Variants in ACBD6 observed in about 807,000 individuals in gnomAD.
ACBD6 encodes the protein acyl-CoA binding domain containing 6.
In ACBD6, 28 loss-of-function variants were observed where a neutral mutation model predicts 37.2. The observed-to-expected ratio is 0.75, with a 90% CI of 0.56 to 1.03. The LOEUF (loss-of-function observed/expected upper bound fraction) is 1.03, where lower values mean the gene tolerates loss of function less well. ACBD6 is among the 50% of genes least tolerant of loss of function. ACBD6 has a pLI of 0.00. For synonymous variants in ACBD6, 113 were observed against 126.8 expected, an observed-to-expected ratio of 0.89 and a Z score of 0.73; for missense variants, 340 against 337.4, an observed-to-expected ratio of 1.01 and a Z score of -0.06.
At chr1:180,291,929 A>C (rs552067330) in intron 7 of ACBD6, among the ~76,000 whole-genome samples, 2 of 152,276 alleles carry the variant, frequency 1.3e-5, no homozygotes, top group African/African-American at 4.8e-5. Flanking sequence ...TACGTTGAAA[A>C]GGCTAGTCTT....
At chr1:180,397,478 C>T (rs1478190258) in intron 6 of ACBD6, 38 bp downstream of exon 6, 1 of 1,548,096 alleles carries the variant, frequency 6.5e-7, no homozygotes, top group Non-Finnish European at 8.9e-7. Context: ...AATTATACTT[C>T]AATTTAAAAA....
intron 3 of ACBD6, among the ~76,000 whole-genome samples, chr1:180,486,172 T>C (rs12089373): frequency 0.11 from 16,112 of 152,180 alleles, 1,229 homozygotes; most frequent in African/African-American, 0.21. Flanking sequence ...AACGTATCTC[T>C]ATCCCCTGAC....
At chr1:180,329,728 A>C (rs1651405899) in intron 6 of ACBD6, among the ~76,000 whole-genome samples, 1 of 152,164 alleles carries the variant, frequency 6.6e-6, no homozygotes, top group Admixed American at 6.5e-5. Context: ...CAAGTAAATA[A>C]AGCCAACATT....
At chr1:180,462,502 A>G (rs1229521562) in intron 3 of ACBD6, among the ~76,000 whole-genome samples, 1 of 152,236 alleles carries the variant, frequency 6.6e-6, no homozygotes, top group Non-Finnish European at 1.5e-5. Context: ...ACATAATGTT[A>G]AGGGGTTCAA....
At chr1:180,350,138 G>A (rs116414680) in intron 6 of ACBD6, among the ~76,000 whole-genome samples, 3,491 of 150,278 alleles carry the variant, frequency 0.023, 55 homozygotes, top group Non-Finnish European at 0.034. Context: ...CGATCTCCCT[G>A]CCTCAGCCTC....
intron 3 of ACBD6, among the ~76,000 whole-genome samples, chr1:180,483,941 T>G (rs1651156800): frequency 6.6e-6 from 1 of 152,180 alleles, no homozygotes; most frequent in Admixed American, 6.5e-5. Context: ...CCGGGAATTA[T>G]GAAAAAATAC....
chr1:180,324,752 C>T (rs1651193886), intron 6 of ACBD6, among the ~76,000 whole-genome samples: 1 of 152,074 alleles, frequency 6.6e-6, no homozygotes, highest in Non-Finnish European at 1.5e-5. Context: ...TGAAGAATTC[C>T]CTTTAGCATT....
At position 180,335,419 on chromosome 1, in the gene ACBD6, T is replaced by C. The variant is rs532854005; in HGVS notation, c.664-20697A>G. Among the ~76,000 whole-genome samples the C allele has an allele frequency of 4.8e-4, 73 of 152,182 alleles. No individual in the cohort carries two copies. In the South Asian group the frequency reaches 5.0e-3, roughly 10 times the overall value. On this transcript the variant is annotated intron_variant, in intron 6 of 7. Coordinates refer to ENST00000367595, the MANE Select transcript of ACBD6 (RefSeq NM_032360.4). ...TCATATCCAGCCAAACTAAGCTTCA[T>C]AAGTGAAGGAGAAATAAAATCCTTT...
At chr1:180,350,150 A>G (rs907791415) in intron 6 of ACBD6, among the ~76,000 whole-genome samples, 13 of 151,438 alleles carry the variant, frequency 8.6e-5, no homozygotes, top group African/African-American at 2.9e-4. Flanking sequence ...CTCAGCCTCC[A>G]AAGTAGCTGG....
chr1:180,371,460 G>A (rs944693176), intron 6 of ACBD6, among the ~76,000 whole-genome samples: 2 of 152,100 alleles, frequency 1.3e-5, no homozygotes, highest in Non-Finnish European at 2.9e-5. Context: ...AAAATTAGAT[G>A]TGGATATTTT....
chr1:180,341,643 T>C (rs1651990035), intron 6 of ACBD6, among the ~76,000 whole-genome samples: 1 of 152,168 alleles, frequency 6.6e-6, no homozygotes, highest in Admixed American at 6.5e-5. Context: ...TAATTCCTCC[T>C]TCCCATTATC....
chr1:180,495,844 C>T (rs1432028396), intron 1 of ACBD6, among the ~76,000 whole-genome samples: 1 of 152,136 alleles, frequency 6.6e-6, no homozygotes, highest in African/African-American at 2.4e-5. Context: ...AGATTAAATA[C>T]TCTTTATTAC....
At chr1:180,351,393 G>C (rs980947687) in intron 6 of ACBD6, among the ~76,000 whole-genome samples, 1 of 150,820 alleles carries the variant, frequency 6.6e-6, no homozygotes, top group African/African-American at 2.4e-5. Flanking sequence ...CTCCTGCCTC[G>C]GCCTCCCGAC....
intron 6 of ACBD6, among the ~76,000 whole-genome samples, chr1:180,394,699 C>T (rs1271649514): frequency 4.6e-5 from 7 of 152,146 alleles, no homozygotes; most frequent in African/African-American, 1.7e-4. Flanking sequence ...GTTCAAATTG[C>T]TATAGAAAAG....
intron 3 of ACBD6, among the ~76,000 whole-genome samples, chr1:180,456,800 T>C (rs149783678): frequency 5.3e-4 from 80 of 152,248 alleles, no homozygotes; most frequent in African/African-American, 1.8e-3. Flanking sequence ...CAGGGCTCAC[T>C]GCAGCCTCAG....
chr1:180,476,549 G>A (rs1220920999), intron 3 of ACBD6, among the ~76,000 whole-genome samples: 1 of 152,180 alleles, frequency 6.6e-6, no homozygotes, highest in East Asian at 1.9e-4. Context: ...AACTCAGCCG[G>A]GCACAGTGGC....
At chr1:180,278,795 A>G (rs1479345275) in intron 9 of ACBD6, 4 of 147,434 alleles carry the variant, frequency 2.7e-5, no homozygotes, top group Non-Finnish European at 6.1e-5. Context: ...GTACAGTTAA[A>G]GAGAAATGAA....
intron 7 of ACBD6, among the ~76,000 whole-genome samples, chr1:180,302,721 C>T (rs963172903): frequency 1.9e-4 from 29 of 150,690 alleles, no homozygotes; most frequent in African/African-American, 5.4e-4. Flanking sequence ...ACAAGGATAT[C>T]CAGGAATTGA....
At chr1:180,475,475 C>G (rs540869655) in intron 3 of ACBD6, among the ~76,000 whole-genome samples, 2 of 152,192 alleles carry the variant, frequency 1.3e-5, no homozygotes, top group Non-Finnish European at 1.5e-5. Context: ...TAGCCTCAAC[C>G]TCCTGGGCTC....
Sources: gnomAD v4.1 joint callset for allele counts (sites outside exome capture counted in the v4.1 genomes callset) on GRCh38, gnomAD v4.1.1 for gene constraint, MANE v1.5 for transcripts, NCBI Gene and HGNC (gene_info 2026-07-23, HGNC 2026-07-21) for gene names.